SUPT20HL2: variants seen among roughly 807,000 people sequenced by gnomAD.
The protein encoded by SUPT20HL2 is transcription factor SPT20 homolog-like 2.
For synonymous variants in SUPT20HL2, 125 were observed against 51.6 expected (o/e 2.42, Z -6.10); for missense variants, 288 against 127.4 (o/e 2.26, Z -6.07).
In SUPT20HL2 at chrX:24,309,764, A is replaced by C. The variant is rs1436853446; in HGVS notation, c.*1098T>G. Among the ~76,000 whole-genome samples, 6 of 93,177 alleles carry C rather than the reference A, an allele frequency of 6.4e-5. No homozygotes were observed. Among genetic ancestry groups the C allele is most frequent in the Admixed American group, 2.3e-4 (2 of 8,549 alleles). 80.9% of individuals were successfully genotyped at this position (93,177 alleles called of 115,157 possible). On this transcript the variant is annotated 3_prime_UTR_variant, in exon 1 of 1. Transcript: ENST00000486479. ...AAAAAAAGAAAAAAAAAAAAAAAAA[A>C]AAAAACATCCAAAAAGAGCCTTTTC...
In SUPT20HL2 at chrX:24,308,935, G is replaced by A. The variant is rs1939087730; in HGVS notation, c.*1927C>T. Among the ~76,000 whole-genome samples the A allele has an allele frequency of 1.8e-5, 2 of 112,600 alleles. No homozygotes were observed. Among genetic ancestry groups the A allele is most frequent in the Non-Finnish European group, 3.7e-5 (2 of 53,363 alleles). On this transcript the variant is annotated 3_prime_UTR_variant, in exon 1 of 1. Coordinates refer to ENST00000486479, the MANE Select transcript of SUPT20HL2 (RefSeq NM_001136233.3). ...CATGGAAGAACTTCAAAAACATTATGCCGAGTGAAAGAGGCCAGACACAAA... is the reference window on the plus strand; with the variant it reads ...CATGGAAGAACTTCAAAAACATTATACCGAGTGAAAGAGGCCAGACACAAA...
chrX:24,312,738 T>C lies in SUPT20HL2; in HGVS notation c.578A>G (p.Lys193Arg), dbSNP rs1359554710. 6 of 385,013 alleles carry C rather than the reference T, an allele frequency of 1.6e-5. No individual in the cohort carries two copies. Among genetic ancestry groups the C allele is most frequent in the Non-Finnish European group, 2.6e-5 (5 of 192,287 alleles). The allele number at this position is 385,013 out of a possible 1,213,427, so 31.7% of individuals were successfully genotyped here. The change falls in exon 1 of 1, where the codon AAA (lysine) becomes AGA (arginine). Residue 193 changes from lysine (K) to arginine (R), a missense_variant. By Grantham distance (26) the Lys-to-Arg change is conservative. Coordinates refer to ENST00000486479, the MANE Select transcript of SUPT20HL2 (RefSeq NM_001136233.3). ...RDGEKWSQED[K>R]FPLESQLILA... ...GATCAGTTGACTCTCAAGAGGAAAT[T>C]TGTCTTCCTGGCTCCATTTCTCGCC... is the stretch of plus-strand genomic sequence containing the variant.
rs1050338108 is a variant in SUPT20HL2, at chrX:24,311,803, G to GAGC, written c.1510_1512dup (p.Ala504dup). 8 of 336,468 alleles carry GAGC rather than the reference G, an allele frequency of 2.4e-5. No homozygotes were observed. The highest frequency in any genetic ancestry group is 2.0e-4 in the South Asian group (8 of 39,446). 27.7% of individuals were successfully genotyped at this position (336,468 alleles called of 1,213,427 possible). The stretch of plus-strand genomic sequence containing the variant: ...GCAGCAGGAGCAGGAGCAGGAGCAG[G>GAGC]AGCAGCAGCAGCTACAGCAGGAGCA... On this transcript the variant is annotated inframe_insertion, in exon 1 of 1. Transcript: ENST00000486479.
chrX:24,309,705 T>G lies in SUPT20HL2; in HGVS notation c.*1157A>C, dbSNP rs867743358. On this transcript the variant is annotated 3_prime_UTR_variant, in exon 1 of 1. Coordinates refer to ENST00000486479, the MANE Select transcript of SUPT20HL2 (RefSeq NM_001136233.3). The stretch of plus-strand genomic sequence containing the variant: ...AAAAAAAAAAATTAAAAAAAAAAAT[T>G]AAAAAAAAAAAGAAAAAAATAATAA... Among the ~76,000 whole-genome samples the G allele has an allele frequency of 5.5e-5, 1 of 18,039 alleles. No individual in the cohort carries two copies. Among genetic ancestry groups the G allele is most frequent in the African/African-American group, 2.6e-4 (1 of 3,790 alleles). The allele number at this position is 18,039 out of a possible 115,157, so 15.7% of individuals were successfully genotyped here.
In SUPT20HL2 at chrX:24,309,704, T is replaced by TA. The variant is rs1569195653; in HGVS notation, c.*1157_*1158insT. 1.1e-4 allele frequency among the ~76,000 whole-genome samples: 2 copies of TA among 18,346 alleles called. No homozygotes were observed. Among genetic ancestry groups the TA allele is most frequent in the African/African-American group, 3.0e-4 (1 of 3,382 alleles). 15.9% of individuals were successfully genotyped at this position (18,346 alleles called of 115,157 possible). On this transcript the variant is annotated 3_prime_UTR_variant, in exon 1 of 1. Transcript: ENST00000486479. ...AAAAAAAAAAAATTAAAAAAAAAAATTAAAAAAAAAAAGAAAAAAATAATA... is the reference window on the plus strand; with the variant it reads ...AAAAAAAAAAAATTAAAAAAAAAAATATAAAAAAAAAAAGAAAAAAATAATA...
rs1569195686 is a variant in SUPT20HL2, at chrX:24,309,725, T to TAAAAAAAAAAAA, written c.*1136_*1137insTTTTTTTTTTTT. 1.2e-4 allele frequency among the ~76,000 whole-genome samples: 2 copies of TAAAAAAAAAAAA among 16,884 alleles called. No homozygotes were observed. The highest frequency in any genetic ancestry group is 1.8e-4 in the Non-Finnish European group (2 of 10,868). 14.7% of individuals were successfully genotyped at this position (16,884 alleles called of 115,157 possible). On this transcript the variant is annotated 3_prime_UTR_variant, in exon 1 of 1. Transcript: ENST00000486479. ...AAAATTAAAAAAAAAAAGAAAAAAA[T>TAAAAAAAAAAAA]AATAAAAATAAAAAAAAAAAGAAAA...
In SUPT20HL2 at chrX:24,311,498, T is replaced by C. The variant is rs745586349; in HGVS notation, c.1818A>G (p.Ala606=). The change falls in exon 1 of 1, where the codon GCA becomes GCG. Residue 606 remains alanine, a synonymous_variant. Transcript: ENST00000486479. The stretch of plus-strand genomic sequence containing the variant: ...ACTGAAGGCCACTGCCACTGATTCC[T>C]GCAGGAGCGGGGGCACCCGAGCCAG... The part of the protein sequence containing the change: ...QAPGSGAPAP[A]GISGSGLQSS... 9 of 387,431 alleles carry C rather than the reference T, an allele frequency of 2.3e-5. No homozygotes were observed. Among genetic ancestry groups the C allele is most frequent in the Admixed American group, 2.0e-4 (8 of 39,698 alleles). The allele number at this position is 387,431 out of a possible 1,213,427, so 31.9% of individuals were successfully genotyped here.
In SUPT20HL2 at chrX:24,313,211, A is replaced by G. The variant is rs150934306; in HGVS notation, c.105T>C (p.Thr35=). 14,316 of 381,978 alleles carry G rather than the reference A, an allele frequency of 0.037. 634 individuals are homozygous for G. The highest frequency in any genetic ancestry group is 0.19 in the African/African-American group (7,113 of 37,989). 31.5% of individuals were successfully genotyped at this position (381,978 alleles called of 1,213,427 possible). The change falls in exon 1 of 1, where the codon ACT becomes ACC. Residue 35 remains threonine, a synonymous_variant. Coordinates refer to ENST00000486479, the MANE Select transcript of SUPT20HL2 (RefSeq NM_001136233.3). ...AAATGTCATAAAGTTTTTCCTGCAG[A>G]GTTTTTCCCGCCCTAGGTGAGTATC... ...RRRYSPRAGK[T]LQEKLYDIYV...
Position 24,311,769 on chromosome X carries a change from G to A in SUPT20HL2, c.1547C>T (p.Ala516Val), listed in dbSNP as rs1237863959. Residue 516 changes from alanine to valine, a missense_variant, in exon 1 of 1, where the codon GCT (alanine) becomes GTT (valine). By Grantham distance (64) the Ala-to-Val change is moderately conservative (BLOSUM62 0). Coordinates refer to ENST00000486479, the MANE Select transcript of SUPT20HL2 (RefSeq NM_001136233.3). ...CGCCGCCACAGCAGCAGCAGCTAAA[G>A]CAGGAGCAGCAGCAGGAGCAGGAGC... ...APAPAPAAAP[A>V]LAAAAVAAAA... is the part of the protein sequence containing the mutation. The A allele has an allele frequency of 3.0e-6, 1 of 337,489 alleles. No individual in the cohort carries two copies. Among genetic ancestry groups the A allele is most frequent in the Non-Finnish European group, 5.9e-6 (1 of 168,465 alleles). The allele number at this position is 337,489 out of a possible 1,213,427, so 27.8% of individuals were successfully genotyped here.
rs749943332 is a variant in SUPT20HL2 at position 24,313,005 on chromosome X, C to T, written c.311G>A (p.Arg104Gln). ...REDGSFAETI[R>Q]LPYEERALLD... ...CAATGCCCTTTCTTCATAAGGCAGC[C>T]GAATGGTCTCTGCAAAGGACCCATC... Residue 104 changes from arginine to glutamine, a missense_variant, in exon 1 of 1, where the codon CGG (arginine) becomes CAG (glutamine). Arg to Gln is a conservative substitution (Grantham distance 43). Transcript: ENST00000486479. 1.2e-4 allele frequency: 44 copies of T among 358,008 alleles called. No individual in the cohort carries two copies. Among genetic ancestry groups the T allele is most frequent in the Non-Finnish European group, 2.3e-4 (41 of 179,155 alleles). 29.5% of individuals were successfully genotyped at this position (358,008 alleles called of 1,213,427 possible).
rs747682057 is a variant in SUPT20HL2 at position 24,313,992 on chromosome X, G to A, written c.-677C>T. Reference sequence around the variant, plus strand: ...GGGAAGCGCTACCCAATCTGTTTGAGGGTTTCTGAAAACATCGGTACCTGA... The same window carrying A: ...GGGAAGCGCTACCCAATCTGTTTGAAGGTTTCTGAAAACATCGGTACCTGA... On this transcript the variant is annotated 5_prime_UTR_variant, in exon 1 of 1. Transcript: ENST00000486479. 1 of 362,125 alleles carries A rather than the reference G, an allele frequency of 2.8e-6. No individual in the cohort carries two copies. The highest frequency in any genetic ancestry group is 2.6e-5 in the African/African-American group (1 of 38,941). The allele number at this position is 362,125 out of a possible 1,213,427, so 29.8% of individuals were successfully genotyped here. A position where few individuals can be genotyped will look rare whatever the true frequency, so the allele number is the denominator to read the frequency against.
In SUPT20HL2 at chrX:24,310,676, T is replaced by C. The variant is rs754567429; in HGVS notation, c.*186A>G. Among the ~76,000 whole-genome samples, 3 of 112,218 alleles carry C rather than the reference T, an allele frequency of 2.7e-5. No individual in the cohort carries two copies. The highest frequency in any genetic ancestry group is 3.7e-4 in the South Asian group (1 of 2,670). ...AAAAGGAGTAACTTAAGCAAAACAA[T>C]GCCCCTTTAGGAAATCACTTCCTGT... On this transcript the variant is annotated 3_prime_UTR_variant, in exon 1 of 1. Transcript: ENST00000486479.
In SUPT20HL2 at chrX:24,313,194, T is replaced by C. The variant is rs1939151041; in HGVS notation, c.122A>G (p.Tyr41Cys). ...RAGKTLQEKL[Y>C]DIYVEECGKE... ...TCCACATTCTTCAACATAAATGTCA[T>C]AAAGTTTTTCCTGCAGAGTTTTTCC... Residue 41 changes from tyrosine (Y) to cysteine (C), a missense_variant, in exon 1 of 1, where the codon TAT (tyrosine) becomes TGT (cysteine). Coordinates refer to ENST00000486479, the MANE Select transcript of SUPT20HL2 (RefSeq NM_001136233.3). 1 of 381,402 alleles carries C rather than the reference T, an allele frequency of 2.6e-6. No individual in the cohort carries two copies. Among genetic ancestry groups the C allele is most frequent in the Non-Finnish European group, 5.2e-6 (1 of 191,284 alleles). The allele number at this position is 381,402 out of a possible 1,213,427, so 31.4% of individuals were successfully genotyped here. A position where few individuals can be genotyped will look rare whatever the true frequency, so the allele number is the denominator to read the frequency against.
In SUPT20HL2 at chrX:24,311,751, ACAGCAGCAGCAGCTAAAGCAGGAG is replaced by A. The variant is rs771994132; in HGVS notation, c.1541_1564del (p.Ala514_Ala521del). The stretch of plus-strand genomic sequence containing the variant: ...TGCCGCCCCACCGGCCGCCGCCGCC[ACAGCAGCAGCAGCTAAAGCAGGAG>A]CAGCAGCAGGAGCAGGAGCAGGAGC... On this transcript the variant is annotated inframe_deletion, in exon 1 of 1. Coordinates refer to ENST00000486479, the MANE Select transcript of SUPT20HL2 (RefSeq NM_001136233.3). 1.2e-3 allele frequency: 430 copies of A among 353,972 alleles called. 1 individual carries two copies. The highest frequency in any genetic ancestry group is 0.01 in the African/African-American group (394 of 38,025). The allele number at this position is 353,972 out of a possible 1,213,427, so 29.2% of individuals were successfully genotyped here.
In SUPT20HL2 at chrX:24,313,971, A is replaced by G. The variant is rs1476507145; in HGVS notation, c.-656T>C. The G allele has an allele frequency of 2.8e-6, 1 of 360,169 alleles. No homozygotes were observed. Among genetic ancestry groups the G allele is most frequent in the African/African-American group, 2.6e-5 (1 of 38,539 alleles). The allele number at this position is 360,169 out of a possible 1,213,427, so 29.7% of individuals were successfully genotyped here. ...CTGCCCAGAAACCTGCCCCCAGGGA[A>G]GCGCTACCCAATCTGTTTGAGGGTT... is the stretch of plus-strand genomic sequence containing the variant. On this transcript the variant is annotated 5_prime_UTR_variant, in exon 1 of 1. Transcript: ENST00000486479.
rs1939106276 is a variant in SUPT20HL2 at position 24,309,774 on chromosome X, C to CAAAAAAAAAAA, written c.*1087_*1088insTTTTTTTTTTT. Among the ~76,000 whole-genome samples, 1 of 19,028 alleles carries CAAAAAAAAAAA rather than the reference C, an allele frequency of 5.3e-5. No individual in the cohort carries two copies. The highest frequency in any genetic ancestry group is 1.6e-4 in the African/African-American group (1 of 6,075). The allele number at this position is 19,028 out of a possible 115,157, so 16.5% of individuals were successfully genotyped here. Reference sequence around the variant, plus strand: ...AAAAAAAAAAAAAAAAAAAAACATCCAAAAAGAGCCTTTTCAAAGCCAGTG... The same window carrying CAAAAAAAAAAA: ...AAAAAAAAAAAAAAAAAAAAACATCCAAAAAAAAAAAAAAAAGAGCCTTTTCAAAGCCAGTG... On this transcript the variant is annotated 3_prime_UTR_variant, in exon 1 of 1. Transcript: ENST00000486479.
rs956912522 is a variant in SUPT20HL2, at chrX:24,308,718, T to G, written c.*2144A>C. On this transcript the variant is annotated 3_prime_UTR_variant, in exon 1 of 1. Coordinates refer to ENST00000486479, the MANE Select transcript of SUPT20HL2 (RefSeq NM_001136233.3). ...TATTACATAGGGTACCCTTCAAGGT[T>G]TTAACAGAGCAAAATATGAGGTGCT... 1.8e-5 allele frequency among the ~76,000 whole-genome samples: 2 copies of G among 111,758 alleles called. No individual in the cohort carries two copies. Among genetic ancestry groups the G allele is most frequent in the African/African-American group, 6.5e-5 (2 of 30,759 alleles).
rs368737802 is a variant in SUPT20HL2 at position 24,311,441 on chromosome X, G to A, written c.1875C>T (p.Pro625=). The change falls in exon 1 of 1, where the codon CCC becomes CCT. Residue 625 remains proline, a synonymous_variant. Transcript: ENST00000486479. ...CTGGAGAAGATGCCTGCACTGCACCGGGCCTTGCATCTGGTAGTGGACCTC... is the reference window on the plus strand; with the variant it reads ...CTGGAGAAGATGCCTGCACTGCACCAGGCCTTGCATCTGGTAGTGGACCTC... ...SSGGPLPDAR[P]GAVQASSPAP... is the part of the protein sequence containing the mutation. 5 of 386,249 alleles carry A rather than the reference G, an allele frequency of 1.3e-5. No homozygotes were observed. The highest frequency in any genetic ancestry group is 7.5e-5 in the East Asian group (1 of 13,330). The allele number at this position is 386,249 out of a possible 1,213,427, so 31.8% of individuals were successfully genotyped here.
rs767673389 is a variant in SUPT20HL2 at position 24,311,424 on chromosome X, G to T, written c.1892C>A (p.Ser631Tyr). 2.6e-6 allele frequency: 1 copy of T among 387,621 alleles called. No homozygotes were observed. The highest frequency in any genetic ancestry group is 7.5e-5 in the East Asian group (1 of 13,420). The allele number at this position is 387,621 out of a possible 1,213,427, so 31.9% of individuals were successfully genotyped here. A position where few individuals can be genotyped will look rare whatever the true frequency, so the allele number is the denominator to read the frequency against. Residue 631 changes from serine to tyrosine, a missense_variant, in exon 1 of 1, where the codon TCT (serine) becomes TAT (tyrosine). Ser to Tyr is a moderately radical substitution (Grantham distance 144). Coordinates refer to ENST00000486479, the MANE Select transcript of SUPT20HL2 (RefSeq NM_001136233.3). Reference protein sequence around the residue: ...PDARPGAVQASSPAPLQFFLN... With the variant: ...PDARPGAVQAYSPAPLQFFLN... Reference sequence around the variant, plus strand: ...GAAAAACTGAAGGGGTGCTGGAGAAGATGCCTGCACTGCACCGGGCCTTGC... The same window carrying T: ...GAAAAACTGAAGGGGTGCTGGAGAATATGCCTGCACTGCACCGGGCCTTGC...
Sources: gnomAD v4.1 joint callset for allele counts (sites outside exome capture counted in the v4.1 genomes callset) on GRCh38, gnomAD v4.1.1 for gene constraint, MANE v1.5 for transcripts, NCBI Gene and HGNC (gene_info 2026-07-23, HGNC 2026-07-21) for gene names.